CAMTA1: variants seen among roughly 807,000 people sequenced by gnomAD.
The protein encoded by CAMTA1 is calmodulin-binding transcription activator 1.
In CAMTA1, 27 loss-of-function variants were observed where a neutral mutation model predicts 170.9. The ratio of observed to expected loss-of-function variants is 0.16; its 90% CI spans 0.12 to 0.22. The LOEUF (loss-of-function observed/expected upper bound fraction) is 0.22, where lower values mean the gene tolerates loss of function less well. CAMTA1 is among the 10% of genes least tolerant of loss of function. CAMTA1 has a pLI of 1.00. For synonymous variants in CAMTA1, 833 were observed against 891.5 expected (o/e 0.93, Z 1.17); for missense variants, 1,619 against 2,217.2 (o/e 0.73, Z 5.42).
At chr1:7,197,658 A>C (rs1655796592) in intron 4 of CAMTA1, among the ~76,000 whole-genome samples, 1 of 138,984 alleles carries the variant, frequency 7.2e-6, no homozygotes, top group Non-Finnish European at 1.5e-5. Context: ...ACACACACAC[A>C]CACACACACA....
intron 3 of CAMTA1, among the ~76,000 whole-genome samples, chr1:6,911,978 C>T (rs1004562161): frequency 2.0e-5 from 3 of 152,130 alleles, no homozygotes; most frequent in Non-Finnish European, 2.9e-5. Context: ...GCTCTCTTTC[C>T]CTTCTTTCTC....
intron 22 of CAMTA1, among the ~76,000 whole-genome samples, chr1:7,756,775 G>C (rs1010260935): frequency 3.9e-5 from 6 of 152,052 alleles, no homozygotes; most frequent in Non-Finnish European, 7.4e-5. Context: ...GTAAGCCTGG[G>C]AGGTTGAGGC....
At chr1:7,124,773 G>A (rs763037281) in intron 4 of CAMTA1, among the ~76,000 whole-genome samples, 2 of 152,208 alleles carry the variant, frequency 1.3e-5, no homozygotes, top group Admixed American at 1.3e-4. Flanking sequence ...TGCATGGGAC[G>A]AATGAACTTG....
intron 5 of CAMTA1, among the ~76,000 whole-genome samples, chr1:7,395,892 A>T (rs992225069): frequency 2.6e-5 from 4 of 152,104 alleles, no homozygotes; most frequent in Admixed American, 6.5e-5. Flanking sequence ...ATTGGCATAT[A>T]AAAAAACCTC....
chr1:7,683,181 C>CAAAAAAAAA (rs34814185), intron 11 of CAMTA1, among the ~76,000 whole-genome samples: 1 of 89,506 alleles, frequency 1.1e-5, no homozygotes, highest in African/African-American at 4.9e-5. Flanking sequence ...GACTCTGTCT[C>CAAAAAAAAA]AAAAAAAAAA....
intron 5 of CAMTA1, among the ~76,000 whole-genome samples, chr1:7,371,095 T>C (rs1350273673): frequency 1.3e-5 from 2 of 151,806 alleles, no homozygotes; most frequent in African/African-American, 4.8e-5. Flanking sequence ...GTATTTTTAG[T>C]AGAGACAGGG....
In CAMTA1 at chr1:7,682,870, A is replaced by G. The variant is rs1196524113; in HGVS notation, c.2914+5137A>G. Reference sequence around the variant, plus strand: ...CACATCGCATGACATGGGATGCTGTAAGAGAACATACACAGAGTTGGCTGG... The same window carrying G: ...CACATCGCATGACATGGGATGCTGTGAGAGAACATACACAGAGTTGGCTGG... On this transcript the variant is annotated intron_variant, in intron 11 of 22. Transcript: ENST00000303635. The surrounding 1 kb of genome is among the most constrained non-coding windows in gnomAD (Gnocchi z 5.0). 6.6e-6 allele frequency among the ~76,000 whole-genome samples: 1 copy of G among 152,224 alleles called. No individual in the cohort carries two copies. Among genetic ancestry groups the G allele is most frequent in the Non-Finnish European group, 1.5e-5 (1 of 68,044 alleles).
chr1:7,309,884 A>G (rs1676196709), intron 5 of CAMTA1, among the ~76,000 whole-genome samples: 1 of 151,914 alleles, frequency 6.6e-6, no homozygotes, highest in African/African-American at 2.4e-5. Flanking sequence ...TCATATATAT[A>G]TATATAAAAC....
chr1:7,324,600 ATGTC>A (rs995480298), intron 5 of CAMTA1, among the ~76,000 whole-genome samples: 1 of 151,814 alleles, frequency 6.6e-6, no homozygotes, highest in Non-Finnish European at 1.5e-5. Flanking sequence ...CCATTTTAAA[ATGTC>A]TGTGCTCATC....
chr1:6,984,499 A>G (rs1419581445), intron 3 of CAMTA1, among the ~76,000 whole-genome samples: 1 of 152,086 alleles, frequency 6.6e-6, no homozygotes, highest in Non-Finnish European at 1.5e-5. Flanking sequence ...CTGAAATCCC[A>G]GCTAGTCAGG....
chr1:7,573,550 G>A (rs963442615), intron 6 of CAMTA1, among the ~76,000 whole-genome samples: 2 of 152,182 alleles, frequency 1.3e-5, no homozygotes, highest in South Asian at 2.1e-4. Context: ...AAACCACAGC[G>A]CCAGCAGGGC....
intron 4 of CAMTA1, among the ~76,000 whole-genome samples, chr1:7,114,691 C>G (rs1190624945): frequency 3.3e-5 from 5 of 151,950 alleles, no homozygotes; most frequent in Non-Finnish European, 5.9e-5. Flanking sequence ...TGGTGGTGTT[C>G]CAGTGTGAGT....
At chr1:7,168,029 C>T (rs1299550882) in intron 4 of CAMTA1, among the ~76,000 whole-genome samples, 1 of 152,104 alleles carries the variant, frequency 6.6e-6, no homozygotes. Context: ...AGCCACTGTA[C>T]CCAGCTGAGT....
chr1:6,902,149 T>C (rs1192756239), intron 3 of CAMTA1, among the ~76,000 whole-genome samples: 1 of 151,880 alleles, frequency 6.6e-6, no homozygotes, highest in Non-Finnish European at 1.5e-5. Context: ...GAAACAACAT[T>C]GACATTTTCT....
At chr1:7,363,759 A>G (rs2085750364) in intron 5 of CAMTA1, among the ~76,000 whole-genome samples, 1 of 152,160 alleles carries the variant, frequency 6.6e-6, no homozygotes, top group South Asian at 2.1e-4. Context: ...AGGACTCTCC[A>G]TGAGTGGAGT....
At chr1:7,241,065 T>G (rs1373125295) in intron 4 of CAMTA1, among the ~76,000 whole-genome samples, 1 of 152,120 alleles carries the variant, frequency 6.6e-6, no homozygotes, top group Non-Finnish European at 1.5e-5. Flanking sequence ...CAAAAAAAAT[T>G]TACTAGAACT....
intron 3 of CAMTA1, among the ~76,000 whole-genome samples, chr1:6,861,927 C>CTAAG (rs1664836437): frequency 6.6e-6 from 1 of 151,546 alleles, no homozygotes; most frequent in Non-Finnish European, 1.5e-5. Context: ...TTTGACTATT[C>CTAAG]TAAGTACCTC....
At chr1:7,310,700 C>CTCTCTTTCTTTCTTTCTTTCTT (rs1361709842) in intron 5 of CAMTA1, among the ~76,000 whole-genome samples, 1 of 53,492 alleles carries the variant, frequency 1.9e-5, no homozygotes, top group East Asian at 3.6e-4. Context: ...CTCTCTCTCT[C>CTCTCTTTCTTTCTTTCTTTCTT]TCTTTCTTTC....
chr1:7,591,550 G>C (rs1446627986), intron 6 of CAMTA1, among the ~76,000 whole-genome samples: 1 of 152,240 alleles, frequency 6.6e-6, no homozygotes, highest in Non-Finnish European at 1.5e-5. Flanking sequence ...GTTCTTCATT[G>C]TTTAAGCAAA....
Sources: allele counts gnomAD v4.1 joint callset (sites outside exome capture counted in the v4.1 genomes callset), GRCh38; gene constraint gnomAD v4.1.1; non-coding constraint Gnocchi (gnomAD v3.1); transcripts MANE v1.5; gene names NCBI Gene and HGNC (gene_info 2026-07-23, HGNC 2026-07-21).